HIPK1: variants seen among roughly 807,000 people sequenced by gnomAD.
The protein encoded by HIPK1 is homeodomain interacting protein kinase 1.
Under a neutral mutation model 117.1 loss-of-function variants are expected in HIPK1, and 28 were observed. The observed-to-expected ratio is 0.24, with a 90% confidence interval of 0.18 to 0.33. The LOEUF is 0.33. Ranked by LOEUF, HIPK1 falls within the 10% of genes least tolerant of loss-of-function variation. The probability of loss-of-function intolerance (pLI) is 1.00; values close to 1 mark genes in which losing one functional copy is unlikely to be tolerated. For synonymous variants in HIPK1, 605 were observed against 562.5 expected (o/e 1.08, Z -1.07); for missense variants, 1,122 against 1,475.1 (o/e 0.76, Z 3.92).
intron 9 of HIPK1, 102 bp from the exon 10 acceptor site, chr1:113,963,285 C>A: frequency 7.6e-7 from 1 of 1,316,244 alleles, no homozygotes. Context: ...TATCAAATTA[C>A]TGTTCATTGT....
chr1:113,971,661 CAG>C (rs1175876894), intron 14 of HIPK1, among the ~76,000 whole-genome samples, 161 bp from the exon 15 acceptor site: 1 of 152,118 alleles, frequency 6.6e-6, no homozygotes, highest in Admixed American at 6.6e-5. Context: ...TGTGCCAAGA[CAG>C]AAAAGAAATG....
chr1:113,940,712 G>A lies in HIPK1; in HGVS notation c.329G>A (p.Ser110Asn), dbSNP rs766550726. ...AGCAGCCAGACCCTGACTCACAGAA[G>A]CAACGTTTCTTTGCTTGAGCCATAT... Reference protein sequence around the residue: ...FQSSQTLTHRSNVSLLEPYQK... With the variant: ...FQSSQTLTHRNNVSLLEPYQK... The change falls in exon 2 of 16, where the codon AGC becomes AAC. Residue 110 changes from serine (S) to asparagine (N), a missense_variant. Ser to Asn is a conservative substitution (Grantham distance 46). This residue lies in a region of HIPK1 where 192 missense variants were observed against 234.0 expected (regional missense o/e 0.82). Coordinates refer to ENST00000426820, the MANE Select transcript of HIPK1 (RefSeq NM_198268.3). 1 of 1,614,164 alleles carries A rather than the reference G, an allele frequency of 6.2e-7. No homozygotes were observed. The highest frequency in any genetic ancestry group is 8.5e-7 in the Non-Finnish European group (1 of 1,180,032).
At position 113,955,658 on chromosome 1, in the gene HIPK1, G is replaced by A. The variant is rs370036923; in HGVS notation, c.1407+9G>A. The A allele has an allele frequency of 1.4e-5, 21 of 1,514,574 alleles. No individual in the cohort carries two copies. Among genetic ancestry groups the A allele is most frequent in the Admixed American group, 1.1e-4 (6 of 55,304 alleles). The allele number at this position is 1,514,574 out of a possible 1,614,324, so 93.8% of individuals were successfully genotyped here. A position where few individuals can be genotyped will look rare whatever the true frequency, so the allele number is the denominator to read the frequency against. ...TAGATGACATGGCTCAGGTGAGTAC[G>A]GAAAGTTTCAGAAAGTCAGACATTT... On this transcript the variant is annotated intron_variant, in intron 5 of 15. Transcript: ENST00000426820.
chr1:113,959,524 C>T (rs1558141809), intron 8 of HIPK1, among the ~76,000 whole-genome samples: 1 of 152,130 alleles, frequency 6.6e-6, no homozygotes, highest in Non-Finnish European at 1.5e-5. Flanking sequence ...CTTTTTTCAC[C>T]ACTTTTTCCG....
chr1:113,946,319 T>C (rs1466675543), intron 2 of HIPK1, among the ~76,000 whole-genome samples: 1 of 152,202 alleles, frequency 6.6e-6, no homozygotes, highest in Non-Finnish European at 1.5e-5. Flanking sequence ...TGATCAGCTC[T>C]TCCTTTCTGT....
At chr1:113,929,595 G>A in intron 1 of HIPK1, 63 bp downstream of exon 1, 1 of 1,224,002 alleles carries the variant, frequency 8.2e-7, no homozygotes, top group South Asian at 1.2e-5. Context: ...CGGGTTGAGG[G>A]ACGGCCGCTC....
Position 113,957,932 on chromosome 1 carries a change from G to C in HIPK1, c.1756-134G>C, listed in dbSNP as rs1053036883. 2 of 675,288 alleles carry C rather than the reference G, an allele frequency of 3.0e-6. 1 individual carries two copies. Among genetic ancestry groups the C allele is most frequent in the Non-Finnish European group, 5.0e-6 (2 of 401,386 alleles). 41.8% of individuals were successfully genotyped at this position (675,288 alleles called of 1,614,324 possible). A position where few individuals can be genotyped will look rare whatever the true frequency, so the allele number is the denominator to read the frequency against. On this transcript the variant is annotated intron_variant, in intron 7 of 15. Coordinates refer to ENST00000426820, the MANE Select transcript of HIPK1 (RefSeq NM_198268.3). ...GGACTAGGGAAGTTTCTTAAGCAGAGAGTTATTTCAGAGGCAGTTAACATT... is the reference window on the plus strand; with the variant it reads ...GGACTAGGGAAGTTTCTTAAGCAGACAGTTATTTCAGAGGCAGTTAACATT...
In HIPK1 at chr1:113,966,039, T is replaced by G. The variant is rs1672422803; in HGVS notation, c.2239-91T>G. On this transcript the variant is annotated intron_variant, in intron 10 of 15. Transcript: ENST00000426820. ...TTAACAATCTACAAGCAACTTCTTT[T>G]AAGATATGAATTTTTCTTTCTTTAA... 15 of 1,312,554 alleles carry G rather than the reference T, an allele frequency of 1.1e-5. No homozygotes were observed. In the South Asian group the frequency reaches 2.2e-4, roughly 19 times the overall value. The allele number at this position is 1,312,554 out of a possible 1,614,324, so 81.3% of individuals were successfully genotyped here.
chr1:113,938,264 C>G (rs1282497776), intron 1 of HIPK1, among the ~76,000 whole-genome samples: 1 of 151,644 alleles, frequency 6.6e-6, no homozygotes, highest in Non-Finnish European at 1.5e-5. Context: ...GCCACCACAT[C>G]TGGCCTAATT....
In HIPK1 at chr1:113,941,055, C is replaced by T; in HGVS notation, c.672C>T (p.His224=). 1.9e-6 allele frequency: 3 copies of T among 1,614,204 alleles called. No individual in the cohort carries two copies. The highest frequency in any genetic ancestry group is 2.5e-6 in the Non-Finnish European group (3 of 1,180,038). Residue 224 remains histidine (H), a synonymous_variant, in exon 2 of 16, where the codon CAC becomes CAT. Coordinates refer to ENST00000426820, the MANE Select transcript of HIPK1 (RefSeq NM_198268.3). The surrounding 1 kb of genome is among the most constrained non-coding windows in gnomAD (Gnocchi z 4.9). The part of the protein sequence containing the change: ...EIVAIKILKN[H]PSYARQGQIE... ...TGGCTATTAAAATCTTGAAGAACCA[C>T]CCCTCCTATGCCAGACAAGGACAGA...
chr1:113,960,999 AGTC>A, intron 8 of HIPK1, among the ~76,000 whole-genome samples: 1 of 152,358 alleles, frequency 6.6e-6, no homozygotes, highest in East Asian at 1.9e-4. Context: ...TCACCTAAGT[AGTC>A]TTTAATTAAA....
At chr1:113,932,380 T>C (rs969173201) in intron 1 of HIPK1, among the ~76,000 whole-genome samples, 2 of 150,802 alleles carry the variant, frequency 1.3e-5, no homozygotes, top group Non-Finnish European at 3.0e-5. Context: ...GTTTTTTTTT[T>C]TTTTTTTTTT....
intron 2 of HIPK1, among the ~76,000 whole-genome samples, chr1:113,943,148 T>G (rs1291652151): frequency 6.6e-6 from 1 of 152,256 alleles, no homozygotes; most frequent in Non-Finnish European, 1.5e-5. Context: ...ACTCATTGTG[T>G]TAAGTACATT....
chr1:113,966,042 G>C, intron 10 of HIPK1, 88 bp from the exon 11 acceptor site: 1 of 1,327,434 alleles, frequency 7.5e-7, no homozygotes, highest in Non-Finnish European at 1.0e-6. Context: ...CTTCTTTTAA[G>C]ATATGAATTT....
At chr1:113,950,903 A>G (rs1211073443) in intron 2 of HIPK1, among the ~76,000 whole-genome samples, 4 of 152,218 alleles carry the variant, frequency 2.6e-5, no homozygotes, top group Admixed American at 6.5e-5. Context: ...CTTTTATTGC[A>G]TAGAATCTAA....
intron 1 of HIPK1, among the ~76,000 whole-genome samples, chr1:113,939,953 CTTTTT>C (rs543460905): frequency 8.0e-6 from 1 of 125,200 alleles, no homozygotes; most frequent in Admixed American, 8.1e-5. Context: ...ATCCTGGTTA[CTTTTT>C]TTTTTTTTTT....
Position 113,956,747 on chromosome 1 carries a change from C to G in HIPK1, c.1528C>G (p.Leu510Val). 1.2e-6 allele frequency: 2 copies of G among 1,614,040 alleles called. No homozygotes were observed. Among genetic ancestry groups the G allele is most frequent in the Non-Finnish European group, 8.5e-7 (1 of 1,179,920 alleles). The change falls in exon 6 of 16, where the codon CTA (leucine) becomes GTA (valine). Residue 510 changes from leucine (L) to valine (V), a missense_variant. Coordinates refer to ENST00000426820, the MANE Select transcript of HIPK1 (RefSeq NM_198268.3). ...TGATGCAGATAAGAGAATTACCCCT[C>G]TAAAAACTCTTAACCATCAGTTTGT... ...TIDADKRITP[L>V]KTLNHQFVTM...
Position 113,929,411 on chromosome 1 carries a change from C to T in HIPK1, c.-124C>T. 7.8e-7 allele frequency: 1 copy of T among 1,289,340 alleles called. No homozygotes were observed. The highest frequency in any genetic ancestry group is 1.0e-6 in the Non-Finnish European group (1 of 988,858). 79.9% of individuals were successfully genotyped at this position (1,289,340 alleles called of 1,614,324 possible). On this transcript the variant is annotated 5_prime_UTR_variant, in exon 1 of 16. Coordinates refer to ENST00000426820, the MANE Select transcript of HIPK1 (RefSeq NM_198268.3). ...GTGCGGAGGGGGCGGGAAGTCCAGG[C>T]CCCGCACTCGATCCACGCTGGCTCC...
At chr1:113,970,682 T>C (rs1050358486) in intron 14 of HIPK1, among the ~76,000 whole-genome samples, 3 of 152,276 alleles carry the variant, frequency 2.0e-5, no homozygotes, top group African/African-American at 7.2e-5. Context: ...CCATCATCTT[T>C]GCCCTGTTAG....
Sources: allele counts gnomAD v4.1 joint callset (sites outside exome capture counted in the v4.1 genomes callset), GRCh38; gene constraint gnomAD v4.1.1; regional missense constraint gnomAD v4.1.1; non-coding constraint Gnocchi (gnomAD v3.1); transcripts MANE v1.5; gene names NCBI Gene and HGNC (gene_info 2026-07-23, HGNC 2026-07-21).